PCLAF: variants seen among roughly 807,000 people sequenced by gnomAD.
PCLAF encodes the protein PCNA clamp associated factor, also known as PCNA-associated factor.
A neutral mutation model predicts 15.1 loss-of-function variants in PCLAF; 12 were observed. The observed-to-expected ratio is 0.79, with a 90% CI of 0.51 to 1.29. The LOEUF (loss-of-function observed/expected upper bound fraction) is 1.29. Ranked by LOEUF, PCLAF falls within the 50% of genes most tolerant of loss-of-function variation. PCLAF has a pLI of 0.00. For synonymous variants in PCLAF, 33 were observed against 47.1 expected (o/e 0.70, Z 1.22); for missense variants, 116 against 130.9 (o/e 0.89, Z 0.56).
chr15:64,376,151 G>C (rs1176997733), intron 3 of PCLAF, among the ~76,000 whole-genome samples: 2 of 152,114 alleles, frequency 1.3e-5, no homozygotes, highest in African/African-American at 2.4e-5. Context: ...CTTGAACCTG[G>C]GAGGCGGAGG....
chr15:64,384,277 G>A (rs1202934643), upstream of PCLAF, among the ~76,000 whole-genome samples: 3 of 152,038 alleles, frequency 2.0e-5, no homozygotes, highest in Non-Finnish European at 1.5e-5. Context: ...GGGATTACAG[G>A]TATGTGCCAC....
At chr15:64,375,357 T>G in intron 3 of PCLAF, among the ~76,000 whole-genome samples, 1 of 152,058 alleles carries the variant, frequency 6.6e-6, no homozygotes, top group East Asian at 1.9e-4. Flanking sequence ...CTCTTGATCT[T>G]GTGATCTGCC....
At position 64,366,077 on chromosome 15, in the gene PCLAF, T is replaced by A. The variant is rs79044977; in HGVS notation, c.291-2A>T. The A allele has an allele frequency of 1.2e-6, 2 of 1,607,612 alleles. No homozygotes were observed. The highest frequency in any genetic ancestry group is 1.7e-6 in the Non-Finnish European group (2 of 1,177,412). ...TGATCAGGTTGCAAAGGACATGCTC[T>A]GTGAAAAGAAGAGAGAACATCAATA... On this transcript the variant is annotated splice_acceptor_variant, in intron 3 of 3. Transcript: ENST00000300035. LOFTEE classifies it high-confidence loss of function.
At chr15:64,376,951 A>G in intron 2 of PCLAF, 46 bp from the exon 3 acceptor site, 2 of 1,476,310 alleles carry the variant, frequency 1.4e-6, no homozygotes, top group Non-Finnish European at 1.9e-6. Flanking sequence ...TAATAATACA[A>G]TCTCTATTCC....
chr15:64,386,153 T>C (rs1899931256), upstream of PCLAF, among the ~76,000 whole-genome samples: 2 of 152,070 alleles, frequency 1.3e-5, no homozygotes, highest in South Asian at 4.1e-4. Context: ...CAATTATTAT[T>C]AAATGTAGTG....
chr15:64,370,372 CT>C (rs79418004), intron 3 of PCLAF, among the ~76,000 whole-genome samples: 146 of 139,922 alleles, frequency 1.0e-3, no homozygotes, highest in Admixed American at 1.6e-3. Context: ...GTACGTATTT[CT>C]TTTTTTTTTT....
chr15:64,386,838 G>A (rs1457275182), intron 1 of PCLAF, among the ~76,000 whole-genome samples: 1 of 152,144 alleles, frequency 6.6e-6, no homozygotes, highest in Non-Finnish European at 1.5e-5. Flanking sequence ...AGTCTAAACA[G>A]GCTAGTAGAA....
intron 3 of PCLAF, among the ~76,000 whole-genome samples, chr15:64,369,587 A>T (rs879815407): frequency 1.3e-5 from 2 of 151,822 alleles, no homozygotes; most frequent in African/African-American, 2.4e-5. Context: ...ATGGAGTCTC[A>T]CTTTGTTGCC....
At chr15:64,366,158 A>G (rs1177635745) in intron 3 of PCLAF, 83 bp from the exon 4 acceptor site, 7 of 948,318 alleles carry the variant, frequency 7.4e-6, no homozygotes, top group Non-Finnish European at 1.1e-5. Context: ...ATAAATCAGG[A>G]ACATTAATTA....
rs770953682 is a variant in PCLAF at position 64,366,004 on chromosome 15, G to A, written c.*26C>T. Reference sequence around the variant, plus strand: ...AGAATACCAGGGTAAACAAGGAGACGTTATTCAAAGATGAATGAGAAAGTT... The same window carrying A: ...AGAATACCAGGGTAAACAAGGAGACATTATTCAAAGATGAATGAGAAAGTT... On this transcript the variant is annotated 3_prime_UTR_variant, in exon 4 of 4. Transcript: ENST00000300035. 52 of 1,570,640 alleles carry A rather than the reference G, an allele frequency of 3.3e-5. No individual in the cohort carries two copies. Among genetic ancestry groups the A allele is most frequent in the South Asian group, 4.5e-5 (4 of 89,134 alleles).
intron 3 of PCLAF, among the ~76,000 whole-genome samples, chr15:64,374,735 A>G (rs1016811381): frequency 2.6e-5 from 4 of 151,942 alleles, no homozygotes; most frequent in African/African-American, 9.7e-5. Flanking sequence ...AATTCCAGCT[A>G]CTTGGAAGGC....
chr15:64,383,318 TG>T (rs886503340), upstream of PCLAF, among the ~76,000 whole-genome samples: 2 of 152,020 alleles, frequency 1.3e-5, no homozygotes, highest in African/African-American at 4.8e-5. Context: ...GGCATTCCTT[TG>T]TTTTTTGTCC....
chr15:64,381,800 C>A (rs1357311316), upstream of PCLAF, among the ~76,000 whole-genome samples: 1 of 152,214 alleles, frequency 6.6e-6, no homozygotes, highest in Non-Finnish European at 1.5e-5. Flanking sequence ...ATGATTGACT[C>A]CTGGAGGTGA....
Position 64,376,860 on chromosome 15 carries a change from G to A in PCLAF, c.173C>T (p.Thr58Ile). The change falls in exon 3 of 4, where the codon ACT (threonine) becomes ATT (isoleucine). Residue 58 changes from threonine (T) to isoleucine (I), a missense_variant. By Grantham distance (89) the Thr-to-Ile change is moderately conservative. Coordinates refer to ENST00000300035, the MANE Select transcript of PCLAF (RefSeq NM_014736.6). Reference sequence around the variant, plus strand: ...TCCAATTCCTTTTTGCCACTTGGGAGTTGGGCGCACGCAAACGGGGTTCCC... The same window carrying A: ...TCCAATTCCTTTTTGCCACTTGGGAATTGGGCGCACGCAAACGGGGTTCCC... Reference protein sequence around the residue: ...AGGNPVCVRPTPKWQKGIGEF... With the variant: ...AGGNPVCVRPIPKWQKGIGEF... The A allele has an allele frequency of 1.2e-6, 2 of 1,613,974 alleles. No homozygotes were observed. The highest frequency in any genetic ancestry group is 2.2e-5 in the East Asian group (1 of 44,872).
upstream of PCLAF, chr15:64,382,801 C>T (rs1297312635): frequency 8.1e-6 from 2 of 248,230 alleles, no homozygotes; most frequent in South Asian, 8.1e-5. Context: ...ATGGTGAAAC[C>T]CAGTCTCTAC....
chr15:64,372,696 A>G (rs1456326504), intron 3 of PCLAF, among the ~76,000 whole-genome samples: 1 of 146,284 alleles, frequency 6.8e-6, no homozygotes, highest in Non-Finnish European at 1.5e-5. Context: ...GCCCTTGGCC[A>G]GGCGCAGTGG....
chr15:64,364,609 G>C lies in PCLAF; in HGVS notation c.*1421C>G, dbSNP rs1158745480. 6.6e-6 allele frequency: 1 copy of C among 151,804 alleles called. No homozygotes were observed. Among genetic ancestry groups the C allele is most frequent in the East Asian group, 1.9e-4 (1 of 5,184 alleles). The allele number at this position is 151,804 out of a possible 1,614,324, so 9.4% of individuals were successfully genotyped here. A position where few individuals can be genotyped will look rare whatever the true frequency, so the allele number is the denominator to read the frequency against. On this transcript the variant is annotated 3_prime_UTR_variant, in exon 4 of 4. Coordinates refer to ENST00000300035, the MANE Select transcript of PCLAF (RefSeq NM_014736.6). The stretch of plus-strand genomic sequence containing the variant: ...TAGGAAAATTTCTTTTAAGAGATGG[G>C]ATCTGGTTCCACTGTGTGTGCCACC...
rs577503846 is a variant in PCLAF, at chr15:64,381,243, G to A, written c.46+83C>T. The stretch of plus-strand genomic sequence containing the variant: ...AGATGAGTTTGGCGCACAGGGCCCA[G>A]GGGGACCTCTGGCGTCTGTCGCCCG... On this transcript the variant is annotated intron_variant, in intron 1 of 3. Coordinates refer to ENST00000300035, the MANE Select transcript of PCLAF (RefSeq NM_014736.6). The A allele has an allele frequency of 2.3e-4, 346 of 1,518,982 alleles. No homozygotes were observed. In the South Asian group the frequency reaches 3.6e-3, roughly 16 times the overall value. 94.1% of individuals were successfully genotyped at this position (1,518,982 alleles called of 1,614,324 possible).
intron 2 of PCLAF, 124 bp from the exon 3 acceptor site, chr15:64,377,029 TACAA>T: frequency 1.4e-6 from 1 of 725,066 alleles, no homozygotes; most frequent in Non-Finnish European, 2.2e-6. Flanking sequence ...ATTTAAGATA[TACAA>T]CTTAAAGAAT....
Sources: gnomAD v4.1 joint callset for allele counts (sites outside exome capture counted in the v4.1 genomes callset) on GRCh38, gnomAD v4.1.1 for gene constraint, MANE v1.5 for transcripts, NCBI Gene and HGNC (gene_info 2026-07-23, HGNC 2026-07-21) for gene names.